The following DENND1B variants were observed in gnomAD, a reference collection of about 807,000 sequenced individuals.
DENND1B encodes the protein DENN domain containing 1B.
DENND1B carries 59 observed loss-of-function variants against 90.1 expected under a neutral mutation model. The ratio of observed to expected loss-of-function variants is 0.65; its 90% CI spans 0.53 to 0.81. The LOEUF (loss-of-function observed/expected upper bound fraction) is 0.81. Among genes scored for constraint, DENND1B ranks in the 40% least tolerant of loss-of-function variants. The pLI, the probability that DENND1B is intolerant of heterozygous loss-of-function variation, is 0.00. For synonymous variants in DENND1B, 337 were observed against 324.6 expected, an observed-to-expected ratio of 1.04 and a Z score of -0.41; for missense variants, 862 against 912.6, an observed-to-expected ratio of 0.94 and a Z score of 0.71.
intron 2 of DENND1B, among the ~76,000 whole-genome samples, chr1:197,748,142 CA>C (rs1378088092): frequency 6.6e-6 from 1 of 151,812 alleles, no homozygotes; most frequent in Non-Finnish European, 1.5e-5. Context: ...GATTGCCCAA[CA>C]AAACAAAATG....
chr1:197,592,090 C>G (rs550120232), intron 14 of DENND1B, among the ~76,000 whole-genome samples: 10 of 103,086 alleles, frequency 9.7e-5, no homozygotes, highest in African/African-American at 3.9e-4. Context: ...GGCTGGGAGA[C>G]AGAGTGAGAT....
At position 197,626,466 on chromosome 1, in the gene DENND1B, C is replaced by A. The variant is rs539120269; in HGVS notation, c.673-8707G>T. ...AAATGAAGGCAGAAATAAAGATGTT[C>A]TTTGAAACCAATGAGAACAAAGACA... is the stretch of plus-strand genomic sequence containing the variant. On this transcript the variant is annotated intron_variant, in intron 10 of 22. Transcript: ENST00000620048. Among the ~76,000 whole-genome samples, 5 of 152,258 alleles carry A rather than the reference C, an allele frequency of 3.3e-5. No homozygotes were observed. The East Asian group carries it at 9.7e-4, about 29-fold the overall frequency.
chr1:197,584,485 C>T (rs989730764), intron 14 of DENND1B, among the ~76,000 whole-genome samples: 2 of 152,124 alleles, frequency 1.3e-5, no homozygotes, highest in Non-Finnish European at 2.9e-5. Context: ...AGATATAGAA[C>T]ATTTCCTTCA....
intron 5 of DENND1B, among the ~76,000 whole-genome samples, chr1:197,670,520 G>C (rs1215182844): frequency 6.7e-6 from 1 of 150,148 alleles, no homozygotes; most frequent in Non-Finnish European, 1.5e-5. Flanking sequence ...GAGAGGGGGA[G>C]AGAGGAAGAG....
chr1:197,598,888 C>T (rs1029454238), intron 13 of DENND1B, among the ~76,000 whole-genome samples: 21 of 151,664 alleles, frequency 1.4e-4, no homozygotes, highest in East Asian at 1.9e-4. Context: ...AGATCACAAA[C>T]GAAAAGTTAA....
intron 20 of DENND1B, among the ~76,000 whole-genome samples, chr1:197,527,145 T>C (rs1669191316): frequency 2.0e-5 from 3 of 152,168 alleles, no homozygotes; most frequent in African/African-American, 2.4e-5. Flanking sequence ...TTATAAATTA[T>C]TGACATTAGT....
At chr1:197,747,047 C>T in intron 2 of DENND1B, 10 of 795,792 alleles carry the variant, frequency 1.3e-5, no homozygotes, top group South Asian at 1.1e-4. Flanking sequence ...CAATCATTGA[C>T]TCCAAAATAC....
chr1:197,609,689 C>T (rs1226143368), intron 12 of DENND1B, among the ~76,000 whole-genome samples: 2 of 135,730 alleles, frequency 1.5e-5, no homozygotes, highest in Non-Finnish European at 3.2e-5. Flanking sequence ...AAATTAACTG[C>T]AGTTTTCGCC....
chr1:197,625,182 C>T (rs911424339), intron 10 of DENND1B, among the ~76,000 whole-genome samples: 4 of 151,546 alleles, frequency 2.6e-5, no homozygotes, highest in Non-Finnish European at 5.9e-5. Context: ...AGATATGCCT[C>T]GAGAAGAGCA....
chr1:197,552,373 C>T, intron 16 of DENND1B: 1 of 985,374 alleles, frequency 1.0e-6, no homozygotes, highest in South Asian at 4.7e-5. Flanking sequence ...AAGCAAAATG[C>T]TCTGCAAGTC....
intron 15 of DENND1B, among the ~76,000 whole-genome samples, chr1:197,557,588 A>G (rs979284304): frequency 6.6e-6 from 1 of 151,942 alleles, no homozygotes; most frequent in Non-Finnish European, 1.5e-5. Context: ...AGTGGCAGAC[A>G]CCAATGTACA....
intron 10 of DENND1B, among the ~76,000 whole-genome samples, chr1:197,624,785 T>G (rs1278686010): frequency 6.6e-6 from 1 of 151,872 alleles, no homozygotes; most frequent in Admixed American, 6.6e-5. Flanking sequence ...TTTAGACGAA[T>G]GTATAACTAG....
chr1:197,776,263 A>G (rs757528969), upstream of DENND1B, among the ~76,000 whole-genome samples: 3 of 152,192 alleles, frequency 2.0e-5, no homozygotes, highest in Non-Finnish European at 4.4e-5. Context: ...AGATACTTTC[A>G]TCAGCATTTT....
At chr1:197,654,089 C>G (rs139608458) in intron 6 of DENND1B, among the ~76,000 whole-genome samples, 63 of 152,176 alleles carry the variant, frequency 4.1e-4, no homozygotes, top group Admixed American at 2.7e-3. Flanking sequence ...TTTACATGCA[C>G]AAACACATAC....
intron 8 of DENND1B, among the ~76,000 whole-genome samples, 165 bp downstream of exon 8, chr1:197,646,890 A>G (rs1680772479): frequency 6.6e-6 from 1 of 152,154 alleles, no homozygotes; most frequent in African/African-American, 2.4e-5. Flanking sequence ...GCTTTAAAAG[A>G]TAGTATAAAC....
At chr1:197,733,477 G>A (rs1191061501) in intron 2 of DENND1B, among the ~76,000 whole-genome samples, 1 of 152,118 alleles carries the variant, frequency 6.6e-6, no homozygotes, top group Non-Finnish European at 1.5e-5. Context: ...TCACCTTCCA[G>A]GAAAGTTTTT....
chr1:197,540,227 T>A (rs1670236062), intron 19 of DENND1B, among the ~76,000 whole-genome samples, 156 bp from the exon 20 acceptor site: 1 of 151,954 alleles, frequency 6.6e-6, no homozygotes, highest in African/African-American at 2.4e-5. Context: ...AAATGCATTT[T>A]TCTATAATCA....
intron 2 of DENND1B, among the ~76,000 whole-genome samples, chr1:197,722,601 T>G (rs1197785492): frequency 4.6e-5 from 7 of 152,170 alleles, no homozygotes; most frequent in African/African-American, 1.7e-4. Context: ...GAAATTTGTA[T>G]GTGAAGAAAC....
chr1:197,698,787 A>G (rs1157907895), intron 3 of DENND1B, among the ~76,000 whole-genome samples: 1 of 152,194 alleles, frequency 6.6e-6, no homozygotes, highest in Non-Finnish European at 1.5e-5. Context: ...AAACACCTCT[A>G]TGCAAATAAA....
Sources: gnomAD v4.1 joint callset for allele counts (sites outside exome capture counted in the v4.1 genomes callset) on GRCh38, gnomAD v4.1.1 for gene constraint, MANE v1.5 for transcripts, NCBI Gene and HGNC (gene_info 2026-07-23, HGNC 2026-07-21) for gene names.